Variants in FYB1 observed in about 807,000 individuals in gnomAD.
FYB1 encodes FYN binding protein 1.
A neutral mutation model predicts 94.1 loss-of-function variants in FYB1; 41 were observed. That is an observed-to-expected ratio of 0.44 (90% CI 0.34 to 0.57). FYB1 has a LOEUF of 0.57. Among genes scored for constraint, FYB1 ranks in the 20% least tolerant of loss-of-function variants. The probability of loss-of-function intolerance (pLI) is 0.02; values close to 1 mark genes in which losing one functional copy is unlikely to be tolerated. For missense variants in FYB1, 1,050 were observed against 976.8 expected (o/e 1.07, Z -1.00); for synonymous variants, 367 against 353.2 (o/e 1.04, Z -0.44).
intron 11 of FYB1, among the ~76,000 whole-genome samples, chr5:39,126,718 A>AAAAAAC: frequency 6.7e-6 from 1 of 150,350 alleles, no homozygotes; most frequent in African/African-American, 2.4e-5. Context: ...AAAAAAAAAA[A>AAAAAAC]AGCTTGGACA....
intron 1 of FYB1, among the ~76,000 whole-genome samples, chr5:39,240,718 G>A (rs920961970): frequency 6.6e-6 from 1 of 152,202 alleles, no homozygotes; most frequent in Non-Finnish European, 1.5e-5. Flanking sequence ...ACACAGTGCT[G>A]GTGGATGTGT....
At chr5:39,184,878 A>G (rs543456171) in intron 2 of FYB1, among the ~76,000 whole-genome samples, 6 of 152,278 alleles carry the variant, frequency 3.9e-5, no homozygotes, top group Admixed American at 1.3e-4. Flanking sequence ...TAGTTATACA[A>G]TTTTACAGAA....
Position 39,137,690 on chromosome 5 carries a change from C to G in FYB1, c.1425G>C (p.Arg475Ser). ...CTAACCTCTTCTTTTCTTCCTTTTC[C>G]CTTTTCTTCTCTCTTTCTTTGGATG... ...IEASKEREKK[R>S]EKEEKKRLEL... is the part of the protein sequence containing the mutation. Residue 475 changes from arginine (R) to serine (S), a missense_variant, in exon 7 of 19, where the codon AGG (arginine) becomes AGC (serine). Transcript: ENST00000512982. 2 of 1,546,020 alleles carry G rather than the reference C, an allele frequency of 1.3e-6. No individual in the cohort carries two copies. The highest frequency in any genetic ancestry group is 4.9e-5 in the East Asian group (2 of 40,826).
chr5:39,137,646 T>C lies in FYB1; in HGVS notation c.1469A>G (p.Gln490Arg), dbSNP rs1388820510. ...KKRLELEKKE[Q>R]KEKEKKEQEI... ...TTGTTCTTTCTTTTCTTTCTCTTTC[T>C]GTTCCTTTTTCTCCAGCTCTAACCT... Residue 490 changes from glutamine (Q) to arginine (R), a missense_variant, in exon 7 of 19, where the codon CAG becomes CGG. Coordinates refer to ENST00000512982, the MANE Select transcript of FYB1 (RefSeq NM_001465.6). 25 of 1,536,010 alleles carry C rather than the reference T, an allele frequency of 1.6e-5. No homozygotes were observed. Among genetic ancestry groups the C allele is most frequent in the Non-Finnish European group, 2.1e-5 (24 of 1,133,478 alleles).
intron 2 of FYB1, among the ~76,000 whole-genome samples, chr5:39,181,588 G>C (rs1292600499): frequency 6.6e-6 from 1 of 152,106 alleles, no homozygotes; most frequent in African/African-American, 2.4e-5. Context: ...CTGCTTATTT[G>C]ACATCTCCAA....
intron 1 of FYB1, among the ~76,000 whole-genome samples, chr5:39,262,902 G>C (rs1752281944): frequency 6.6e-6 from 1 of 152,168 alleles, no homozygotes; most frequent in Non-Finnish European, 1.5e-5. Flanking sequence ...AACCATGGCT[G>C]GGAAGGCTAT....
chr5:39,244,264 T>A (rs950777478), intron 1 of FYB1, among the ~76,000 whole-genome samples: 3 of 152,154 alleles, frequency 2.0e-5, no homozygotes, highest in Non-Finnish European at 4.4e-5. Context: ...TTCGGTATGA[T>A]ATTGGCTGTG....
At chr5:39,267,813 A>T (rs1249894923) in intron 1 of FYB1, among the ~76,000 whole-genome samples, 1 of 152,228 alleles carries the variant, frequency 6.6e-6, no homozygotes, top group Non-Finnish European at 1.5e-5. Context: ...GAAGTTTTAA[A>T]TATATGTAGG....
chr5:39,272,705 C>T (rs1293050628), intron 1 of FYB1, among the ~76,000 whole-genome samples: 6 of 147,098 alleles, frequency 4.1e-5, no homozygotes, highest in Non-Finnish European at 7.5e-5. Flanking sequence ...ATTACTTAAT[C>T]TTAGTCATGC....
Position 39,202,369 on chromosome 5 carries a change from A to T in FYB1, c.592T>A (p.Phe198Ile). The T allele has an allele frequency of 1.2e-6, 2 of 1,613,906 alleles. No homozygotes were observed. Among genetic ancestry groups the T allele is most frequent in the Middle Eastern group, 1.7e-4 (1 of 6,060 alleles). Residue 198 changes from phenylalanine to isoleucine, a missense_variant, in exon 2 of 19, where the codon TTT (phenylalanine) becomes ATT (isoleucine). By Grantham distance (21) the Phe-to-Ile change is conservative. Coordinates refer to ENST00000512982, the MANE Select transcript of FYB1 (RefSeq NM_001465.6). ...GTACTTAGGGGCGGCTTCTGGCCAA[A>T]GGCGGGTTTGGGGAAGAGGGGCTTG... ...EPKPLFPKPA[F>I]GQKPPLSTEN...
Position 39,110,375 on chromosome 5 carries a change from G to C in FYB1, c.2416C>G (p.Arg806Gly), listed in dbSNP as rs767546031. Residue 806 changes from arginine to glycine, a missense_variant, in exon 17 of 19, where the codon CGG (arginine) becomes GGG (glycine). Physicochemically the swap from Arg to Gly is moderately radical, Grantham distance 125. Coordinates refer to ENST00000512982, the MANE Select transcript of FYB1 (RefSeq NM_001465.6). The stretch of plus-strand genomic sequence containing the variant: ...GCTTACTTGTCCGCTAGGTAACTCC[G>C]AAGGACATAACCATCTACGAAGGAA... The part of the protein sequence containing the change: ...NEEGKYGYVL[R>G]SYLADNDGEI... 1 of 1,594,404 alleles carries C rather than the reference G, an allele frequency of 6.3e-7. No homozygotes were observed. The highest frequency in any genetic ancestry group is 1.3e-5 in the African/African-American group (1 of 74,494).
intron 3 of FYB1, among the ~76,000 whole-genome samples, chr5:39,147,403 A>G (rs1464414348): frequency 2.0e-5 from 3 of 151,090 alleles, no homozygotes; most frequent in African/African-American, 4.9e-5. Context: ...CAAGTAGCTG[A>G]GACGACAGGC....
chr5:39,252,602 T>C (rs1751774460), intron 1 of FYB1, among the ~76,000 whole-genome samples: 1 of 152,240 alleles, frequency 6.6e-6, no homozygotes, highest in South Asian at 2.1e-4. Flanking sequence ...TAACTAACAA[T>C]CTGGTACCAA....
At chr5:39,123,006 T>C (rs1740272089) in intron 13 of FYB1, among the ~76,000 whole-genome samples, 1 of 152,172 alleles carries the variant, frequency 6.6e-6, no homozygotes, top group South Asian at 2.1e-4. Context: ...AAAGTTGTCA[T>C]GATCTTAACT....
intron 16 of FYB1, among the ~76,000 whole-genome samples, chr5:39,112,435 C>A (rs1000945313): frequency 3.8e-4 from 58 of 151,972 alleles, no homozygotes; most frequent in African/African-American, 1.4e-3. Flanking sequence ...GGGATTCATA[C>A]AGTCTCTGAG....
intron 3 of FYB1, 93 bp from the exon 4 acceptor site, chr5:39,141,234 T>G: frequency 2.2e-6 from 2 of 897,012 alleles, no homozygotes; most frequent in South Asian, 1.5e-5. Context: ...TGAATTGTTC[T>G]TTTTTCTTGA....
intron 1 of FYB1, among the ~76,000 whole-genome samples, chr5:39,244,231 G>A (rs187171539): frequency 6.6e-6 from 1 of 152,166 alleles, no homozygotes; most frequent in Admixed American, 6.5e-5. Flanking sequence ...GTTTTCAAAG[G>A]GAATGCTTCC....
intron 12 of FYB1, 143 bp downstream of exon 12, chr5:39,125,855 G>A: frequency 1.3e-6 from 1 of 760,270 alleles, no homozygotes; most frequent in Non-Finnish European, 2.1e-6. Flanking sequence ...CCATAAACGG[G>A]GCTAAGATGA....
At chr5:39,187,088 A>G (rs779667230) in intron 2 of FYB1, among the ~76,000 whole-genome samples, 5 of 152,166 alleles carry the variant, frequency 3.3e-5, no homozygotes, top group Admixed American at 6.5e-5. Context: ...TTCATAATAC[A>G]CCTCACTTCT....
Sources: allele counts gnomAD v4.1 joint callset (sites outside exome capture counted in the v4.1 genomes callset), GRCh38; gene constraint gnomAD v4.1.1; transcripts MANE v1.5; gene names NCBI Gene and HGNC (gene_info 2026-07-23, HGNC 2026-07-21).